The following RNASET2 variants were observed in gnomAD, a reference collection of about 807,000 sequenced individuals.
The protein encoded by RNASET2 is ribonuclease T2.
RNASET2 carries 28 observed loss-of-function variants against 33.9 expected under a neutral mutation model. That is an observed-to-expected ratio of 0.83 (90% CI 0.61 to 1.13). RNASET2 has a LOEUF of 1.13. Ranked by LOEUF, RNASET2 falls within the 50% of genes most tolerant of loss-of-function variation. RNASET2 has a pLI of 0.00. For missense variants in RNASET2, 330 were observed against 319.9 expected (o/e 1.03, Z -0.24); for synonymous variants, 123 against 121.0 (o/e 1.02, Z -0.11).
In RNASET2 at chr6:166,931,071, G is replaced by A; in HGVS notation, c.540C>T (p.Pro180=). ...GGCTTGGTGGAAGGCACTGGATTTT[G>A]GGTATCACTCCATATACTCTGGCAA... ...DALARVYGVI[P]KIQCLPPSQD... is the part of the protein sequence containing the mutation. Residue 180 remains proline, a synonymous_variant, in exon 8 of 9, where the codon CCC becomes CCT. Transcript: ENST00000508775. 2 of 1,612,592 alleles carry A rather than the reference G, an allele frequency of 1.2e-6. No individual in the cohort carries two copies. Among genetic ancestry groups the A allele is most frequent in the Non-Finnish European group, 1.7e-6 (2 of 1,178,608 alleles).
In RNASET2 at chr6:166,923,293, G is replaced by A. The variant is rs904414517; in HGVS notation, c.*6295C>T. Among the ~76,000 whole-genome samples the A allele has an allele frequency of 2.1e-5, 3 of 143,812 alleles. No homozygotes were observed. Among genetic ancestry groups the A allele is most frequent in the African/African-American group, 2.7e-5 (1 of 37,434 alleles). 94.3% of individuals were successfully genotyped at this position (143,812 alleles called of 152,430 possible). A position where few individuals can be genotyped will look rare whatever the true frequency, so the allele number is the denominator to read the frequency against. On this transcript the variant is annotated 3_prime_UTR_variant, in exon 9 of 9. Transcript: ENST00000508775. Reference sequence around the variant, plus strand: ...GTTGCCCAAGCTTGAGTACAGTCTCGGCTCACTGCAGCCTCCACCTCCTGG... The same window carrying A: ...GTTGCCCAAGCTTGAGTACAGTCTCAGCTCACTGCAGCCTCCACCTCCTGG...
At chr6:166,950,968 G>A (rs1180558973) in intron 2 of RNASET2, among the ~76,000 whole-genome samples, 1 of 152,216 alleles carries the variant, frequency 6.6e-6, no homozygotes, top group Non-Finnish European at 1.5e-5. Flanking sequence ...AGAGACAGAA[G>A]AAAAGACAGC....
chr6:166,935,693 T>C (rs546435354), intron 6 of RNASET2, among the ~76,000 whole-genome samples: 1 of 152,346 alleles, frequency 6.6e-6, no homozygotes, highest in African/African-American at 2.4e-5. Context: ...ATTTTATTTT[T>C]TTGACACAGA....
rs1778280353 is a variant in RNASET2 at position 166,924,838 on chromosome 6, G to A, written c.*4750C>T. Among the ~76,000 whole-genome samples, 1 of 152,176 alleles carries A rather than the reference G, an allele frequency of 6.6e-6. No individual in the cohort carries two copies. Among genetic ancestry groups the A allele is most frequent in the Non-Finnish European group, 1.5e-5 (1 of 68,026 alleles). On this transcript the variant is annotated 3_prime_UTR_variant, in exon 9 of 9. Transcript: ENST00000508775. ...ATGGTGGCATATGCCACCACTCTTG[G>A]AGTGGGCCCAAGAGGAAAAGATCCC...
chr6:166,923,668 C>T lies in RNASET2; in HGVS notation c.*5920G>A, dbSNP rs9457244. Among the ~76,000 whole-genome samples, 15,228 of 152,166 alleles carry T rather than the reference C, an allele frequency of 0.1. 930 individuals carry two copies. The highest frequency in any genetic ancestry group is 0.16 in the African/African-American group (6,707 of 41,502). On this transcript the variant is annotated 3_prime_UTR_variant, in exon 9 of 9. Transcript: ENST00000508775. ...AAAAATGACATAAAACTGCATTTCT[C>T]ATCATCTGTCAGAGATTTTGCTTCA...
rs1562489874 is a variant in RNASET2, at chr6:166,924,527, T to C, written c.*5061A>G. ...TTGGACAAAGTCCGGGCCTTTGTAG[T>C]GTGACGTGGCCATTAGGGCCCACAG... is the stretch of plus-strand genomic sequence containing the variant. On this transcript the variant is annotated 3_prime_UTR_variant, in exon 9 of 9. Transcript: ENST00000508775. Among the ~76,000 whole-genome samples, 1 of 152,230 alleles carries C rather than the reference T, an allele frequency of 6.6e-6. No individual in the cohort carries two copies. The highest frequency in any genetic ancestry group is 6.5e-5 in the Admixed American group (1 of 15,286).
chr6:166,939,765 T>G (rs1778653101), intron 5 of RNASET2, among the ~76,000 whole-genome samples: 1 of 152,168 alleles, frequency 6.6e-6, no homozygotes, highest in African/African-American at 2.4e-5. Flanking sequence ...AAATTATAGT[T>G]TAAGCATCCA....
chr6:166,955,628 C>G, intron 1 of RNASET2: 1 of 998,386 alleles, frequency 1.0e-6, no homozygotes, highest in Non-Finnish European at 1.2e-6. Flanking sequence ...TGGGAGCAGT[C>G]TGTGGGATGA....
At chr6:166,938,254 G>A (rs902782068) in intron 6 of RNASET2, among the ~76,000 whole-genome samples, 4 of 152,054 alleles carry the variant, frequency 2.6e-5, no homozygotes, top group Non-Finnish European at 4.4e-5. Flanking sequence ...ACCCTGAAAC[G>A]TCCCGACGGA....
rs147756750 is a variant in RNASET2, at chr6:166,922,542, C to G, written c.*7046G>C. On this transcript the variant is annotated 3_prime_UTR_variant, in exon 9 of 9. Transcript: ENST00000508775. Reference sequence around the variant, plus strand: ...TCCACTCAAATGTCTCTTCCCATGGCTGAGTCTATTCTGCTCTAAAACATT... The same window carrying G: ...TCCACTCAAATGTCTCTTCCCATGGGTGAGTCTATTCTGCTCTAAAACATT... Among the ~76,000 whole-genome samples the G allele has an allele frequency of 1.6e-4, 25 of 152,334 alleles. No homozygotes were observed. Among genetic ancestry groups the G allele is most frequent in the Admixed American group, 5.9e-4 (9 of 15,304 alleles).
At chr6:166,941,095 A>T (rs1261617831) in intron 5 of RNASET2, among the ~76,000 whole-genome samples, 1 of 152,202 alleles carries the variant, frequency 6.6e-6, no homozygotes, top group Admixed American at 6.5e-5. Flanking sequence ...TCCCTAGCTG[A>T]TATTTTGTAT....
intron 7 of RNASET2, chr6:166,932,049 C>T (rs941453034): frequency 2.0e-5 from 3 of 152,404 alleles, no homozygotes; most frequent in African/African-American, 4.8e-5. Context: ...AGCTCCAATT[C>T]GAACTGTCCA....
chr6:166,940,251 G>T (rs1283551378), intron 5 of RNASET2, among the ~76,000 whole-genome samples: 2 of 152,240 alleles, frequency 1.3e-5, no homozygotes, highest in African/African-American at 4.8e-5. Context: ...TAACATTCAT[G>T]CAACCACTTA....
Position 166,929,376 on chromosome 6 carries a change from C to T in RNASET2, c.*212G>A. The T allele has an allele frequency of 1.6e-6, 1 of 631,494 alleles. No individual in the cohort carries two copies. Among genetic ancestry groups the T allele is most frequent in the South Asian group, 1.9e-5 (1 of 53,356 alleles). The allele number at this position is 631,494 out of a possible 1,614,324, so 39.1% of individuals were successfully genotyped here. ...AAAAAACAATCTGTGAGCTTTATCC[C>T]AAGCACAAAACAGCCACTCAGGCGT... is the stretch of plus-strand genomic sequence containing the variant. On this transcript the variant is annotated 3_prime_UTR_variant, in exon 9 of 9. Transcript: ENST00000508775.
Position 166,925,797 on chromosome 6 carries a change from G to C in RNASET2, c.*3791C>G, listed in dbSNP as rs1279446768. On this transcript the variant is annotated 3_prime_UTR_variant, in exon 9 of 9. Coordinates refer to ENST00000508775, the MANE Select transcript of RNASET2 (RefSeq NM_003730.6). ...CCATGGAACTTGCTAAACTAGGTGA[G>C]CAGAAGAGCACTCCAGGCCACCCAA... 2.0e-5 allele frequency among the ~76,000 whole-genome samples: 3 copies of C among 152,232 alleles called. No individual in the cohort carries two copies. Among genetic ancestry groups the C allele is most frequent in the Non-Finnish European group, 4.4e-5 (3 of 68,044 alleles).
rs1274120171 is a variant in RNASET2, at chr6:166,925,030, G to A, written c.*4558C>T. On this transcript the variant is annotated 3_prime_UTR_variant, in exon 9 of 9. Coordinates refer to ENST00000508775, the MANE Select transcript of RNASET2 (RefSeq NM_003730.6). ...ACGCCATCCAGCCCTCACCCACAGT[G>A]TCCAGACCTCACTTCTCCCACCCAG... is the stretch of plus-strand genomic sequence containing the variant. Among the ~76,000 whole-genome samples the A allele has an allele frequency of 6.6e-6, 1 of 151,680 alleles. No individual in the cohort carries two copies. The highest frequency in any genetic ancestry group is 6.6e-5 in the Admixed American group (1 of 15,236).
intron 1 of RNASET2, among the ~76,000 whole-genome samples, chr6:166,954,706 C>CT (rs1779063480): frequency 6.6e-6 from 1 of 152,178 alleles, no homozygotes; most frequent in Admixed American, 6.5e-5. Context: ...AAATATATAC[C>CT]TAAGGTGTTT....
At chr6:166,935,286 G>A (rs193251580) in intron 6 of RNASET2, among the ~76,000 whole-genome samples, 21 of 151,898 alleles carry the variant, frequency 1.4e-4, no homozygotes, top group African/African-American at 3.9e-4. Flanking sequence ...TCCTATTTTT[G>A]ATATATTGAG....
chr6:166,946,968 G>A (rs773368665), intron 3 of RNASET2: 34 of 580,632 alleles, frequency 5.9e-5, no homozygotes, highest in Non-Finnish European at 6.2e-5. Flanking sequence ...AACCGTCCAG[G>A]AGTAATGCAG....
Sources: allele counts gnomAD v4.1 joint callset (sites outside exome capture counted in the v4.1 genomes callset), GRCh38; gene constraint gnomAD v4.1.1; transcripts MANE v1.5; gene names NCBI Gene and HGNC (gene_info 2026-07-23, HGNC 2026-07-21).